ZFYVE26: variants seen among roughly 807,000 people sequenced by gnomAD.
ZFYVE26 encodes zinc finger FYVE-type containing 26.
In ZFYVE26, 181 loss-of-function variants were observed where a neutral mutation model predicts 276.5. That is an observed-to-expected ratio of 0.65 (90% CI 0.58 to 0.74). The LOEUF is 0.74. Among genes scored for constraint, ZFYVE26 ranks in the 30% least tolerant of loss-of-function variants. ZFYVE26 has a pLI of 0.00. For missense variants in ZFYVE26, 2,821 were observed against 3,097.9 expected (o/e 0.91, Z 2.12); for synonymous variants, 1,129 against 1,203.1 (o/e 0.94, Z 1.27).
Position 67,784,260 on chromosome 14 carries a change from C to T in ZFYVE26, c.3626+74G>A, listed in dbSNP as rs1036374245. 2.0e-5 allele frequency: 25 copies of T among 1,261,784 alleles called. No homozygotes were observed. The East Asian group carries it at 2.5e-4, about 13-fold the overall frequency. 78.2% of individuals were successfully genotyped at this position (1,261,784 alleles called of 1,614,324 possible). ...TCTCTGTGCTAACCCCAAGCACCAC[C>T]GCACTGAGCCCTTGGCTATATTGAT... On this transcript the variant is annotated intron_variant, in intron 20 of 41. Coordinates refer to ENST00000347230, the MANE Select transcript of ZFYVE26 (RefSeq NM_015346.4).
chr14:67,805,465 G>C lies in ZFYVE26; in HGVS notation c.1171C>G (p.His391Asp). The change falls in exon 7 of 42, where the codon CAC (histidine) becomes GAC (aspartate). Residue 391 changes from histidine (H) to aspartate (D), a missense_variant. Transcript: ENST00000347230. ...TGAGTGAGAGTTACCTGGGTCCTGT[G>C]CAGGGTCTGGAGCAGCCTCTTGGCT... ...ESAKRLLQTL[H>D]RTQGPGCDEL... 1.2e-6 allele frequency: 2 copies of C among 1,614,204 alleles called. No individual in the cohort carries two copies. Among genetic ancestry groups the C allele is most frequent in the Non-Finnish European group, 1.7e-6 (2 of 1,180,056 alleles).
In ZFYVE26 at chr14:67,783,321, C is replaced by A. The variant is rs1312291458; in HGVS notation, c.3831G>T (p.Arg1277Ser). 2 of 1,612,952 alleles carry A rather than the reference C, an allele frequency of 1.2e-6. No individual in the cohort carries two copies. The highest frequency in any genetic ancestry group is 1.1e-5 in the South Asian group (1 of 91,032). Reference protein sequence around the residue: ...DLPLSTPSSPRTTENPTLERK... With the variant: ...DLPLSTPSSPSTTENPTLERK... ...TTTCCAATGTAGGGTTCTCAGTTGT[C>A]CTCGGGGAGCTCGGTGTAGAAAGTG... The change falls in exon 21 of 42, where the codon AGG (arginine) becomes AGT (serine). Residue 1277 changes from arginine (R) to serine (S), a missense_variant. Arg to Ser is a moderately radical substitution (Grantham distance 110, BLOSUM62 -1). Coordinates refer to ENST00000347230, the MANE Select transcript of ZFYVE26 (RefSeq NM_015346.4).
exon 14 of ZFYVE26, chr14:67,729,735 A>C (rs569933591): frequency 1.3e-4 from 66 of 514,294 alleles, no homozygotes; most frequent in South Asian, 1.0e-3. Flanking sequence ...GAATTTTTAA[A>C]TACCAATTAG....
rs777669317 is a variant in ZFYVE26, at chr14:67,802,074, T to C, written c.1639+5A>G. 1.2e-6 allele frequency: 2 copies of C among 1,612,632 alleles called. No homozygotes were observed. Among genetic ancestry groups the C allele is most frequent in the South Asian group, 1.1e-5 (1 of 91,004 alleles). ...TTATCTCACGGATGGAGGGAAGTGC[T>C]GTACCTGGGGAGGAGAGAGAGTCAT... is the stretch of plus-strand genomic sequence containing the variant. On this transcript the variant is annotated splice_donor_5th_base_variant and intron_variant, in intron 10 of 41. Coordinates refer to ENST00000347230, the MANE Select transcript of ZFYVE26 (RefSeq NM_015346.4).
chr14:67,807,632 T>C lies in ZFYVE26; in HGVS notation c.652A>G (p.Ile218Val), dbSNP rs1356101799. Reference sequence around the variant, plus strand: ...CGCAGAGTCCGCAGGGCTCCATAGATGGCATCGACTACCCCAGGGGGCACC... The same window carrying C: ...CGCAGAGTCCGCAGGGCTCCATAGACGGCATCGACTACCCCAGGGGGCACC... ...DSVPPGVVDA[I>V]YGALRTLRCP... The change falls in exon 5 of 42, where the codon ATC (isoleucine) becomes GTC (valine). Residue 218 changes from isoleucine to valine, a missense_variant. Coordinates refer to ENST00000347230, the MANE Select transcript of ZFYVE26 (RefSeq NM_015346.4). 1.9e-6 allele frequency: 3 copies of C among 1,614,090 alleles called. No homozygotes were observed. The highest frequency in any genetic ancestry group is 1.7e-6 in the Non-Finnish European group (2 of 1,180,006).
At chr14:67,750,080 G>A (rs2038595982) in intron 41 of ZFYVE26, among the ~76,000 whole-genome samples, 1 of 152,184 alleles carries the variant, frequency 6.6e-6, no homozygotes, top group South Asian at 2.1e-4. Context: ...GTGAAGGCTT[G>A]AGAAAGAACT....
chr14:67,767,652 T>C lies in ZFYVE26; in HGVS notation c.5790+52A>G, dbSNP rs984731076. 2.5e-6 allele frequency: 4 copies of C among 1,613,194 alleles called. No individual in the cohort carries two copies. The South Asian group carries it at 3.3e-5, about 13-fold the overall frequency. Reference sequence around the variant, plus strand: ...CCTACCTCTGTATTTCTTGTCATACTGCTACACATCATAAAGAAACTTAAG... The same window carrying C: ...CCTACCTCTGTATTTCTTGTCATACCGCTACACATCATAAAGAAACTTAAG... On this transcript the variant is annotated intron_variant, in intron 31 of 41. Coordinates refer to ENST00000347230, the MANE Select transcript of ZFYVE26 (RefSeq NM_015346.4).
intron 13 of ZFYVE26, among the ~76,000 whole-genome samples, chr14:67,730,788 G>T (rs1373673128): frequency 2.0e-5 from 3 of 152,042 alleles, no homozygotes; most frequent in African/African-American, 7.2e-5. Context: ...ATTTTTAGTC[G>T]AGATGGGCTT....
chr14:67,729,447 G>C, exon 14 of ZFYVE26: 2 of 1,497,450 alleles, frequency 1.3e-6, no homozygotes, highest in African/African-American at 1.4e-5. Context: ...TCGCTGGGCT[G>C]TTCATCCTGA....
intron 16 of ZFYVE26, among the ~76,000 whole-genome samples, chr14:67,787,093 T>A (rs2039678753): frequency 6.6e-6 from 1 of 151,984 alleles, no homozygotes; most frequent in Admixed American, 6.6e-5. Flanking sequence ...GTATAAAAAA[T>A]AGTTAGAGGC....
intron 31 of ZFYVE26, among the ~76,000 whole-genome samples, chr14:67,767,002 C>A (rs2039078199): frequency 1.3e-5 from 2 of 152,166 alleles, no homozygotes; most frequent in Non-Finnish European, 2.9e-5. Context: ...CTGCGCCCAG[C>A]CTTGTTACCT....
intron 32 of ZFYVE26, among the ~76,000 whole-genome samples, chr14:67,764,575 G>C (rs572032950): frequency 6.6e-6 from 1 of 152,266 alleles, no homozygotes; most frequent in Admixed American, 6.5e-5. Flanking sequence ...AAGGGGGTAT[G>C]AGTTAAAAAC....
chr14:67,758,665 T>G (rs552878075), intron 35 of ZFYVE26, among the ~76,000 whole-genome samples: 1 of 152,242 alleles, frequency 6.6e-6, no homozygotes, highest in East Asian at 1.9e-4. Flanking sequence ...AGATGGAGTC[T>G]TACTCTGTCG....
rs1423870580 is a variant in ZFYVE26 at position 67,776,176 on chromosome 14, A to C, written c.4975-70T>G. The C allele has an allele frequency of 1.9e-6, 3 of 1,607,296 alleles. No homozygotes were observed. In the East Asian group the frequency reaches 6.7e-5, roughly 36 times the overall value. ...ATTTCAGAAAAAACTCAAGATTCTC[A>C]CTGGGAAGGGGAAGGGTGCATGAGA... On this transcript the variant is annotated intron_variant, in intron 25 of 41. Transcript: ENST00000347230.
Position 67,780,783 on chromosome 14 carries a change from AC to A in ZFYVE26, c.4570-439del, listed in dbSNP as rs370160256. On this transcript the variant is annotated intron_variant, in intron 22 of 41. Transcript: ENST00000347230. Reference sequence around the variant, plus strand: ...CCTTTTTTCACCTGTCATTTTCACTACCCCTGGTAGGGTTTCTGGACTCTGT... The same window carrying A: ...CCTTTTTTCACCTGTCATTTTCACTACCCTGGTAGGGTTTCTGGACTCTGT... 1.1e-4 allele frequency among the ~76,000 whole-genome samples: 17 copies of A among 152,312 alleles called. 1 individual carries two copies. The highest frequency in any genetic ancestry group is 4.1e-4 in the African/African-American group (17 of 41,554).
At position 67,797,702 on chromosome 14, in the gene ZFYVE26, G is replaced by A. The variant is rs761795382; in HGVS notation, c.2302C>T (p.Arg768Trp). The change falls in exon 12 of 42, where the codon CGG (arginine) becomes TGG (tryptophan). Residue 768 changes from arginine (R) to tryptophan (W), a missense_variant. Arg to Trp is a moderately radical substitution (Grantham distance 101). Transcript: ENST00000347230. ...QPATRHPSLR[R>W]GRRTRRSQAD... ...TGGCTCCTTCTTGTCCGACGACCCC[G>A]GCGGAGACTGGGGTGACGTGTGGCA... 13 of 1,614,192 alleles carry A rather than the reference G, an allele frequency of 8.1e-6. No homozygotes were observed. Among genetic ancestry groups the A allele is most frequent in the South Asian group, 6.6e-5 (6 of 91,080 alleles).
At chr14:67,777,424 G>T (rs2039373473) in intron 25 of ZFYVE26, 135 bp downstream of exon 25, 3 of 1,401,298 alleles carry the variant, frequency 2.1e-6, no homozygotes, top group Non-Finnish European at 3.0e-6. Context: ...CCTGGCAAAA[G>T]AGCCATTGAA....
At chr14:67,810,903 T>G (rs1365548931) in intron 3 of ZFYVE26, among the ~76,000 whole-genome samples, 1 of 152,200 alleles carries the variant, frequency 6.6e-6, no homozygotes, top group Non-Finnish European at 1.5e-5. Context: ...GCTGCAGGTG[T>G]GTGTGTGTAC....
chr14:67,814,074 G>A lies in ZFYVE26; in HGVS notation c.195-10C>T. The A allele has an allele frequency of 1.2e-6, 2 of 1,610,146 alleles. No homozygotes were observed. Among genetic ancestry groups the A allele is most frequent in the Non-Finnish European group, 1.7e-6 (2 of 1,176,778 alleles). On this transcript the variant is annotated splice_polypyrimidine_tract_variant and intron_variant, in intron 2 of 41. Transcript: ENST00000347230. ...GATGTCCTGCCCACATCTGAAAAAG[G>A]TAAAAAGAAAGACTTGTAAAAAAGA...
Sources: gnomAD v4.1 joint callset for allele counts (sites outside exome capture counted in the v4.1 genomes callset) on GRCh38, gnomAD v4.1.1 for gene constraint, MANE v1.5 for transcripts, NCBI Gene and HGNC (gene_info 2026-07-23, HGNC 2026-07-21) for gene names.